The following EYS variants were observed in gnomAD, a reference collection of about 807,000 sequenced individuals.
EYS encodes protein eyes shut homolog.
A neutral mutation model predicts 282.1 loss-of-function variants in EYS; 250 were observed. That is an observed-to-expected ratio of 0.89 (90% CI 0.80 to 0.98). EYS has a LOEUF of 0.98. Ranked by LOEUF, EYS falls within the 50% of genes least tolerant of loss-of-function variation. The pLI, the probability that EYS is intolerant of heterozygous loss-of-function variation, is 0.00. For synonymous variants in EYS, 1,355 were observed against 1,282.9 expected (o/e 1.06, Z -1.20); for missense variants, 4,016 against 3,709.0 (o/e 1.08, Z -2.15).
chr6:63,833,625 C>T (rs533731535), intron 36 of EYS, among the ~76,000 whole-genome samples: 2 of 152,222 alleles, frequency 1.3e-5, no homozygotes, highest in Non-Finnish European at 2.9e-5. Flanking sequence ...ATGAAAATGG[C>T]CATACTGCCC....
At chr6:65,371,248 T>G (rs1044217564) in intron 8 of EYS, among the ~76,000 whole-genome samples, 2 of 151,794 alleles carry the variant, frequency 1.3e-5, no homozygotes, top group African/African-American at 4.8e-5. Context: ...ACAAGTAATC[T>G]ATAGATAATG....
chr6:64,097,897 A>T (rs1012205086), intron 31 of EYS, among the ~76,000 whole-genome samples: 1 of 152,246 alleles, frequency 6.6e-6, no homozygotes, highest in Non-Finnish European at 1.5e-5. Context: ...TTTTGGCAAA[A>T]AATGTTTATA....
chr6:64,298,456 T>C (rs1412292823), intron 30 of EYS, among the ~76,000 whole-genome samples: 2 of 152,186 alleles, frequency 1.3e-5, no homozygotes, highest in Admixed American at 6.5e-5. Context: ...GTAGAGTTTT[T>C]CTTGTTATAA....
intron 12 of EYS, among the ~76,000 whole-genome samples, chr6:65,107,097 G>T (rs570583610): frequency 1.3e-5 from 2 of 151,918 alleles, no homozygotes; most frequent in East Asian, 3.9e-4. Flanking sequence ...AATAGGTAAG[G>T]GATACAGGAG....
chr6:64,241,661 G>T (rs1313253542), intron 30 of EYS, among the ~76,000 whole-genome samples: 3 of 148,890 alleles, frequency 2.0e-5, no homozygotes, highest in Non-Finnish European at 4.4e-5. Context: ...AGGTTTTTGT[G>T]TGTGTGTGTG....
At chr6:64,188,558 T>C (rs183002995) in intron 31 of EYS, among the ~76,000 whole-genome samples, 249 of 152,270 alleles carry the variant, frequency 1.6e-3, no homozygotes, top group African/African-American at 5.7e-3. Context: ...TCTTGTATTC[T>C]TATCTGGCAA....
At chr6:63,744,730 G>T (rs1769170233) in intron 41 of EYS, 2 of 174,902 alleles carry the variant, frequency 1.1e-5, no homozygotes, top group South Asian at 1.1e-4. Flanking sequence ...ACTACACCCG[G>T]CTAATTTTTG....
At chr6:65,489,388 C>G (rs956798488) in intron 5 of EYS, 8 of 152,182 alleles carry the variant, frequency 5.3e-5, no homozygotes, top group African/African-American at 1.9e-4. Flanking sequence ...CTCATCATCA[C>G]TGGTCATTAG....
intron 19 of EYS, among the ~76,000 whole-genome samples, chr6:64,841,348 C>T (rs1418657140): frequency 6.6e-6 from 1 of 151,958 alleles, no homozygotes; most frequent in Admixed American, 6.6e-5. Context: ...ATATTTAACT[C>T]TATTACTGTA....
intron 12 of EYS, among the ~76,000 whole-genome samples, chr6:65,197,831 G>A (rs1765806510): frequency 6.6e-6 from 1 of 152,096 alleles, no homozygotes; most frequent in Non-Finnish European, 1.5e-5. Context: ...ACTGGAAGTT[G>A]CTCTGGGTAA....
Position 65,685,578 on chromosome 6 carries a change from T to C in EYS, c.-448+21557A>G, listed in dbSNP as rs191058430. Among the ~76,000 whole-genome samples, 184 of 152,178 alleles carry C rather than the reference T, an allele frequency of 1.2e-3. 1 individual carries two copies. Among genetic ancestry groups the C allele is most frequent in the African/African-American group, 4.0e-3 (166 of 41,570 alleles). On this transcript the variant is annotated intron_variant, in intron 1 of 42. Coordinates refer to ENST00000503581, the MANE Select transcript of EYS (RefSeq NM_001142800.2). ...AAAGTATTTTCCTATTTATATCACA[T>C]AGAGTTCAACCTTCATTCCCTGTTC...
chr6:63,858,832 T>A (rs970328468), intron 36 of EYS, among the ~76,000 whole-genome samples: 33 of 152,212 alleles, frequency 2.2e-4, no homozygotes, highest in African/African-American at 7.2e-4. Flanking sequence ...AGTTATGAGC[T>A]TAACATGACA....
intron 11 of EYS, among the ~76,000 whole-genome samples, chr6:65,318,158 C>T (rs1250761452): frequency 5.7e-5 from 8 of 139,494 alleles, no homozygotes; most frequent in African/African-American, 1.6e-4. Flanking sequence ...TGAGCCACCG[C>T]GCCCGGCTGG....
At chr6:64,520,013 C>T (rs191038716) in intron 26 of EYS, among the ~76,000 whole-genome samples, 3 of 151,924 alleles carry the variant, frequency 2.0e-5, no homozygotes, top group South Asian at 2.1e-4. Flanking sequence ...CATGGTCCAA[C>T]ATTATGTGAT....
intron 22 of EYS, among the ~76,000 whole-genome samples, chr6:64,731,615 C>A (rs1338469270): frequency 1.3e-5 from 2 of 152,132 alleles, no homozygotes; most frequent in Non-Finnish European, 2.9e-5. Context: ...AATGAGATAC[C>A]ATGTCACACC....
intron 30 of EYS, among the ~76,000 whole-genome samples, chr6:64,269,219 A>G (rs1767861608): frequency 6.6e-6 from 1 of 152,146 alleles, no homozygotes. Flanking sequence ...AGGAAACCAC[A>G]CTATACTTTG....
intron 2 of EYS, among the ~76,000 whole-genome samples, chr6:65,589,764 A>T (rs1364530121): frequency 6.6e-6 from 1 of 152,010 alleles, no homozygotes; most frequent in African/African-American, 2.4e-5. Context: ...CTTTCTCTGA[A>T]TGTAGCATTT....
intron 29 of EYS, among the ~76,000 whole-genome samples, chr6:64,374,076 C>T (rs768041265): frequency 6.6e-6 from 1 of 151,880 alleles, no homozygotes; most frequent in African/African-American, 2.4e-5. Flanking sequence ...GCATTGCCTA[C>T]GTGGCTACTA....
chr6:64,612,684 T>A (rs1767150441), intron 24 of EYS, among the ~76,000 whole-genome samples: 1 of 151,992 alleles, frequency 6.6e-6, no homozygotes, highest in Admixed American at 6.6e-5. Flanking sequence ...TTCTCAGAAA[T>A]AAAGAAAAAA....
Sources: gnomAD v4.1 joint callset for allele counts (sites outside exome capture counted in the v4.1 genomes callset) on GRCh38, gnomAD v4.1.1 for gene constraint, MANE v1.5 for transcripts, NCBI Gene and HGNC (gene_info 2026-07-23, HGNC 2026-07-21) for gene names.